The following TP53BP1 variants were observed in gnomAD, a reference collection of about 807,000 sequenced individuals.
TP53BP1 encodes TP53-binding protein 1.
Under a neutral mutation model 200.8 loss-of-function variants are expected in TP53BP1, and 61 were observed. That is an observed-to-expected ratio of 0.30 (90% CI 0.25 to 0.38). The LOEUF is 0.38. Among genes scored for constraint, TP53BP1 ranks in the 10% least tolerant of loss-of-function variants. The pLI, the probability that TP53BP1 is intolerant of heterozygous loss-of-function variation, is 1.00. For synonymous variants in TP53BP1, 822 were observed against 844.3 expected, an observed-to-expected ratio of 0.97 and a Z score of 0.46; for missense variants, 2,144 against 2,371.9, an observed-to-expected ratio of 0.90 and a Z score of 2.00.
At chr15:43,483,277 A>C in intron 4 of TP53BP1, among the ~76,000 whole-genome samples, 1 of 129,498 alleles carries the variant, frequency 7.7e-6, no homozygotes. Flanking sequence ...CACACAGAAC[A>C]AATGTATACT....
intron 8 of TP53BP1, among the ~76,000 whole-genome samples, chr15:43,476,156 T>G (rs1222740632): frequency 6.6e-6 from 1 of 152,078 alleles, no homozygotes; most frequent in Non-Finnish European, 1.5e-5. Flanking sequence ...TCCCAGCTAC[T>G]TGGAAGGCTA....
intron 16 of TP53BP1, among the ~76,000 whole-genome samples, chr15:43,436,497 C>A (rs1229900945): frequency 6.6e-6 from 1 of 151,956 alleles, no homozygotes; most frequent in East Asian, 1.9e-4. Flanking sequence ...TTTTTTAAGA[C>A]ATGGTCTCAC....
chr15:43,453,120 A>G (rs1595573523), intron 12 of TP53BP1, among the ~76,000 whole-genome samples: 1 of 144,722 alleles, frequency 6.9e-6, no homozygotes. Context: ...CATGAACCCA[A>G]GAGGCGGAGC....
rs533336230 is a variant in TP53BP1 at position 43,493,105 on chromosome 15, G to C, written c.-62C>G. ...TCTGCACGCTCCCCAAGTCCCTCCA[G>C]ATCGATCCCTAGGTCGCCGCTGTCG... On this transcript the variant is annotated 5_prime_UTR_variant, in exon 1 of 28. It adds an upstream start codon to the 5' untranslated region. Coordinates refer to ENST00000382044, the MANE Select transcript of TP53BP1 (RefSeq NM_001141980.3). The C allele has an allele frequency of 1.9e-6, 3 of 1,606,148 alleles. No individual in the cohort carries two copies. The highest frequency in any genetic ancestry group is 1.3e-5 in the African/African-American group (1 of 74,770).
At position 43,456,613 on chromosome 15, in the gene TP53BP1, T is replaced by C. The variant is rs892686077; in HGVS notation, c.1995A>G (p.Ser665=). The change falls in exon 12 of 28, where the codon TCA becomes TCG. Residue 665 remains serine (S), a synonymous_variant. Transcript: ENST00000382044. ...CAGGGATTTCTTCCACCTCAGACCCTGAAGACCCCTCCTCTGGATGGTGTT... is the reference window on the plus strand; with the variant it reads ...CAGGGATTTCTTCCACCTCAGACCCCGAAGACCCCTCCTCTGGATGGTGTT... ...IKEHHPEEGS[S]GSEVEEIPET... 2 of 1,614,086 alleles carry C rather than the reference T, an allele frequency of 1.2e-6. No homozygotes were observed. The highest frequency in any genetic ancestry group is 3.3e-5 in the Admixed American group (2 of 60,000).
chr15:43,495,689 C>A (rs919669422), upstream of TP53BP1, among the ~76,000 whole-genome samples: 1 of 151,398 alleles, frequency 6.6e-6, no homozygotes, highest in Non-Finnish European at 1.5e-5. Context: ...CGCGGGCAGG[C>A]GCCTGTAGTC....
At chr15:43,415,906 T>C in intron 22 of TP53BP1, 97 bp from the exon 23 acceptor site, 1 of 1,017,132 alleles carries the variant, frequency 9.8e-7, no homozygotes, top group Non-Finnish European at 1.5e-6. Context: ...CACCACAGTG[T>C]TCCTTCCCCC....
chr15:43,491,906 A>G (rs566300028), intron 3 of TP53BP1, 96 bp downstream of exon 3: 219 of 1,152,712 alleles, frequency 1.9e-4, no homozygotes, highest in Non-Finnish European at 2.3e-4. Flanking sequence ...GCTTCCTTAC[A>G]TACATTCGAC....
chr15:43,503,080 A>G (rs2079218212), intron 1 of TP53BP1, among the ~76,000 whole-genome samples: 1 of 152,164 alleles, frequency 6.6e-6, no homozygotes, highest in South Asian at 2.1e-4. Context: ...TCAACTTTAT[A>G]TATCATTTAT....
At chr15:43,507,712 T>C (rs1194996766) in intron 1 of TP53BP1, among the ~76,000 whole-genome samples, 1 of 152,060 alleles carries the variant, frequency 6.6e-6, no homozygotes, top group Non-Finnish European at 1.5e-5. Context: ...GCTCCACAGT[T>C]TTCTTTTTTC....
At chr15:43,484,948 C>T (rs1200360908) in intron 4 of TP53BP1, among the ~76,000 whole-genome samples, 1 of 152,010 alleles carries the variant, frequency 6.6e-6, no homozygotes. Context: ...CAGGGTCTCA[C>T]TATGTTGTCC....
At chr15:43,435,187 T>G (rs890598111) in intron 16 of TP53BP1, among the ~76,000 whole-genome samples, 2 of 129,790 alleles carry the variant, frequency 1.5e-5, no homozygotes, top group African/African-American at 5.9e-5. Context: ...CCCTCGAACC[T>G]GGGAGGTGGA....
intron 1 of TP53BP1, 138 bp downstream of exon 1, chr15:43,492,899 C>A (rs1284705661): frequency 8.1e-6 from 7 of 868,976 alleles, no homozygotes; most frequent in South Asian, 1.6e-5. Flanking sequence ...TTCCCCACCC[C>A]CTCCTTAGGG....
At chr15:43,482,519 A>G (rs865980903) in intron 4 of TP53BP1, among the ~76,000 whole-genome samples, 1 of 152,200 alleles carries the variant, frequency 6.6e-6, no homozygotes, top group Non-Finnish European at 1.5e-5. Flanking sequence ...CTGTAATCCC[A>G]GCACTTTGGG....
At chr15:43,469,796 AC>A (rs1483621649) in intron 11 of TP53BP1, 61 bp downstream of exon 11, 1 of 1,320,658 alleles carries the variant, frequency 7.6e-7, no homozygotes, top group Non-Finnish European at 1.1e-6. Context: ...TGTAAATTAT[AC>A]CCCAATAATG....
chr15:43,437,005 A>C (rs1452234267), intron 16 of TP53BP1, among the ~76,000 whole-genome samples: 1 of 151,878 alleles, frequency 6.6e-6, no homozygotes, highest in African/African-American at 2.4e-5. Context: ...TGAAAAAAAA[A>C]AAAATTAGCC....
At chr15:43,481,174 C>T in intron 4 of TP53BP1, 152 bp from the exon 5 acceptor site, 2 of 805,996 alleles carry the variant, frequency 2.5e-6, no homozygotes, top group Non-Finnish European at 3.9e-6. Context: ...CTACAAAAAG[C>T]ACCTAAAAGA....
At chr15:43,450,434 T>C (rs900246511) in intron 12 of TP53BP1, among the ~76,000 whole-genome samples, 14 of 152,226 alleles carry the variant, frequency 9.2e-5, no homozygotes, top group African/African-American at 3.1e-4. Flanking sequence ...CTGATATTAA[T>C]AGCCAATTAA....
intron 11 of TP53BP1, among the ~76,000 whole-genome samples, chr15:43,466,268 G>A (rs2140080631): frequency 6.6e-6 from 1 of 152,152 alleles, no homozygotes; most frequent in East Asian, 1.9e-4. Context: ...AAATCAGGAG[G>A]GTCCAAAAGA....
Sources: gnomAD v4.1 joint callset for allele counts (sites outside exome capture counted in the v4.1 genomes callset) on GRCh38, gnomAD v4.1.1 for gene constraint, MANE v1.5 for transcripts, NCBI Gene and HGNC (gene_info 2026-07-23, HGNC 2026-07-21) for gene names.